BICD1: variants seen among roughly 807,000 people sequenced by gnomAD.
BICD1 encodes the protein BICD cargo adaptor 1, also known as protein bicaudal D homolog 1.
Under a neutral mutation model 92.5 loss-of-function variants are expected in BICD1, and 35 were observed. The ratio of observed to expected loss-of-function variants is 0.38; its 90% CI spans 0.29 to 0.50. BICD1 has a LOEUF of 0.50. BICD1 is among the 20% of genes least tolerant of loss of function. The probability of loss-of-function intolerance (pLI) is 0.93; values close to 1 mark genes in which losing one functional copy is unlikely to be tolerated. For synonymous variants in BICD1, 429 were observed against 465.1 expected (o/e 0.92, Z 1.00); for missense variants, 950 against 1,189.8 (o/e 0.80, Z 2.97).
chr12:32,210,340 G>A (rs1005412542), intron 1 of BICD1, among the ~76,000 whole-genome samples: 1 of 152,036 alleles, frequency 6.6e-6, no homozygotes, highest in Non-Finnish European at 1.5e-5. Context: ...ATGAAAGAAC[G>A]AAAATTCTGT....
chr12:32,357,936 T>C (rs996663981), intron 8 of BICD1, among the ~76,000 whole-genome samples: 1 of 152,164 alleles, frequency 6.6e-6, no homozygotes, highest in Admixed American at 6.5e-5. Flanking sequence ...TATAACATCA[T>C]GGGCCATTCC....
Position 32,158,106 on chromosome 12 carries a change from CT to C in BICD1, c.213+50578del, listed in dbSNP as rs35906528. On this transcript the variant is annotated intron_variant, in intron 1 of 9. Coordinates refer to ENST00000652176, the MANE Select transcript of BICD1 (RefSeq NM_001714.4). ...ATTTGAGCCTAGGGGTTTTTTTTTT[CT>C]TTTTTTTTTTTTTTTGAGATGGAGT... is the stretch of plus-strand genomic sequence containing the variant. Among the ~76,000 whole-genome samples the C allele has an allele frequency of 1.4e-3, 179 of 125,694 alleles. 1 individual carries two copies. Among genetic ancestry groups the C allele is most frequent in the Admixed American group, 5.7e-3 (68 of 11,912 alleles). The allele number at this position is 125,694 out of a possible 152,430, so 82.5% of individuals were successfully genotyped here.
At position 32,377,729 on chromosome 12, in the gene BICD1, T is replaced by A; in HGVS notation, c.*102T>A. On this transcript the variant is annotated 3_prime_UTR_variant, in exon 10 of 10. Transcript: ENST00000652176. ...GTGTTTTCTTCTCGGTTGTTAGATG[T>A]ACAATTGGATTAATGTCCATCGTTT... The A allele has an allele frequency of 9.9e-7, 1 of 1,013,842 alleles. No individual in the cohort carries two copies. The highest frequency in any genetic ancestry group is 1.5e-6 in the Non-Finnish European group (1 of 648,002). The allele number at this position is 1,013,842 out of a possible 1,614,324, so 62.8% of individuals were successfully genotyped here. A position where few individuals can be genotyped will look rare whatever the true frequency, so the allele number is the denominator to read the frequency against.
At chr12:32,296,762 A>T (rs569556494) in intron 3 of BICD1, among the ~76,000 whole-genome samples, 2 of 152,206 alleles carry the variant, frequency 1.3e-5, no homozygotes, top group East Asian at 3.9e-4. Flanking sequence ...AGACTGATGG[A>T]CTCAGGAGGT....
At position 32,357,711 on chromosome 12, in the gene BICD1, C is replaced by G. The variant is rs186462543; in HGVS notation, c.2765-9959C>G. ...CAGAAGGCCACCTTCTCACTGTCCT[C>G]GCATCTCTGTGCACTGCATCCCTGG... is the stretch of plus-strand genomic sequence containing the variant. On this transcript the variant is annotated intron_variant, in intron 8 of 9. Coordinates refer to ENST00000652176, the MANE Select transcript of BICD1 (RefSeq NM_001714.4). Among the ~76,000 whole-genome samples the G allele has an allele frequency of 1.7e-3, 254 of 152,292 alleles. 2 individuals are homozygous for G. Among genetic ancestry groups the G allele is most frequent in the African/African-American group, 5.8e-3 (240 of 41,568 alleles).
At chr12:32,159,297 G>C (rs1943532265) in intron 1 of BICD1, among the ~76,000 whole-genome samples, 1 of 152,012 alleles carries the variant, frequency 6.6e-6, no homozygotes, top group Admixed American at 6.5e-5. Context: ...GTATTTTTTT[G>C]AGAAGCCATG....
At chr12:32,142,203 C>T (rs1385798032) in intron 1 of BICD1, among the ~76,000 whole-genome samples, 1 of 151,726 alleles carries the variant, frequency 6.6e-6, no homozygotes, top group African/African-American at 2.4e-5. Flanking sequence ...GTCAGGAGTT[C>T]GAGACCAGCC....
Position 32,216,261 on chromosome 12 carries a change from C to T in BICD1, c.228C>T (p.Ser76=), listed in dbSNP as rs777781296. 3 of 1,613,626 alleles carry T rather than the reference C, an allele frequency of 1.9e-6. No homozygotes were observed. Among genetic ancestry groups the T allele is most frequent in the Non-Finnish European group, 2.5e-6 (3 of 1,179,956 alleles). ...LEQLKEAFGQ[S]FSIHRKVAED... Reference sequence around the variant, plus strand: ...ATACTCTGCAGGCATTTGGGCAGTCCTTCTCCATCCACCGGAAGGTTGCTG... The same window carrying T: ...ATACTCTGCAGGCATTTGGGCAGTCTTTCTCCATCCACCGGAAGGTTGCTG... The change falls in exon 2 of 10, where the codon TCC becomes TCT. Residue 76 remains serine, a synonymous_variant. Transcript: ENST00000652176.
intron 1 of BICD1, among the ~76,000 whole-genome samples, chr12:32,132,716 A>G (rs1942595344): frequency 6.6e-6 from 1 of 152,160 alleles, no homozygotes. Context: ...GGCAGTGGAG[A>G]GGGAGTCAGC....
chr12:32,145,644 A>G (rs1237649482), intron 1 of BICD1, among the ~76,000 whole-genome samples: 1 of 152,216 alleles, frequency 6.6e-6, no homozygotes, highest in Non-Finnish European at 1.5e-5. Flanking sequence ...TGAATTTTAG[A>G]GGACCAAGTT....
At position 32,361,565 on chromosome 12, in the gene BICD1, A is replaced by G. The variant is rs568788644; in HGVS notation, c.2765-6105A>G. 1.1e-3 allele frequency among the ~76,000 whole-genome samples: 165 copies of G among 151,906 alleles called. 2 individuals are homozygous for G. The South Asian group carries it at 0.016, about 14-fold the overall frequency. On this transcript the variant is annotated intron_variant, in intron 8 of 9. Coordinates refer to ENST00000652176, the MANE Select transcript of BICD1 (RefSeq NM_001714.4). ...GAGACTCCATCTCAAAAAAAAAAAA[A>G]AAAGAAAGAAAGATAAGAAAAAAAG...
chr12:32,164,945 G>T (rs1943710238), intron 1 of BICD1, among the ~76,000 whole-genome samples: 1 of 152,144 alleles, frequency 6.6e-6, no homozygotes, highest in South Asian at 2.1e-4. Context: ...CGGGTGAAGT[G>T]GCTCATCTGG....
At position 32,107,279 on chromosome 12, in the gene BICD1, C is replaced by G. The variant is rs1941506967; in HGVS notation, c.-53C>G. 6.8e-7 allele frequency: 1 copy of G among 1,461,042 alleles called. No individual in the cohort carries two copies. Among genetic ancestry groups the G allele is most frequent in the Non-Finnish European group, 9.3e-7 (1 of 1,070,068 alleles). The allele number at this position is 1,461,042 out of a possible 1,614,324, so 90.5% of individuals were successfully genotyped here. A position where few individuals can be genotyped will look rare whatever the true frequency, so the allele number is the denominator to read the frequency against. On this transcript the variant is annotated 5_prime_UTR_variant, in exon 1 of 10. Transcript: ENST00000652176. ...TCCTTCTCCCTTTCCCCGCCAGCTT[C>G]GCATCCATCTCCCCCACCCCGTAAC...
At chr12:32,323,495 T>A (rs1335266116) in intron 4 of BICD1, among the ~76,000 whole-genome samples, 1 of 152,234 alleles carries the variant, frequency 6.6e-6, no homozygotes, top group Non-Finnish European at 1.5e-5. Context: ...CATAGCTAAG[T>A]AAATGTTGGT....
At chr12:32,191,892 C>T (rs899069690) in intron 1 of BICD1, among the ~76,000 whole-genome samples, 2 of 151,804 alleles carry the variant, frequency 1.3e-5, no homozygotes, top group African/African-American at 4.8e-5. Flanking sequence ...CATTGAGCCT[C>T]CCTATTCCCT....
intron 1 of BICD1, among the ~76,000 whole-genome samples, chr12:32,115,387 G>GTTGTTTTTTTTTTT (rs1941854041): frequency 7.0e-6 from 1 of 142,416 alleles, no homozygotes; most frequent in Non-Finnish European, 1.5e-5. Context: ...GGTGTTTTTG[G>GTTGTTTTTTTTTTT]TTTTTTTTTT....
intron 1 of BICD1, among the ~76,000 whole-genome samples, chr12:32,149,906 T>G (rs1943238305): frequency 6.6e-6 from 1 of 152,212 alleles, no homozygotes; most frequent in Non-Finnish European, 1.5e-5. Flanking sequence ...TCGTTCGTTC[T>G]CATGCTGCTA....
At chr12:32,162,437 G>T (rs1031415423) in intron 1 of BICD1, among the ~76,000 whole-genome samples, 5 of 152,096 alleles carry the variant, frequency 3.3e-5, no homozygotes, top group Non-Finnish European at 5.9e-5. Flanking sequence ...ATTAAGTATG[G>T]GCTCCAGAGT....
chr12:32,226,085 T>C (rs1945679595), intron 2 of BICD1, among the ~76,000 whole-genome samples: 1 of 152,238 alleles, frequency 6.6e-6, no homozygotes. Context: ...TCAAGACTTT[T>C]GCCCATTTTT....
Sources: gnomAD v4.1 joint callset for allele counts (sites outside exome capture counted in the v4.1 genomes callset) on GRCh38, gnomAD v4.1.1 for gene constraint, MANE v1.5 for transcripts, NCBI Gene and HGNC (gene_info 2026-07-23, HGNC 2026-07-21) for gene names.